The following SLC12A7 variants were observed in gnomAD, a reference collection of about 807,000 sequenced individuals.
SLC12A7 encodes K-Cl cotransporter 4.
In SLC12A7, 100 loss-of-function variants were observed where a neutral mutation model predicts 120.6. That is an observed-to-expected ratio of 0.83 (90% CI 0.71 to 0.98). The LOEUF (loss-of-function observed/expected upper bound fraction) is 0.98, where lower values mean the gene tolerates loss of function less well. Ranked by LOEUF, SLC12A7 falls within the 50% of genes least tolerant of loss-of-function variation. The pLI, the probability that SLC12A7 is intolerant of heterozygous loss-of-function variation, is 0.00. For missense variants in SLC12A7, 1,373 were observed against 1,548.1 expected (o/e 0.89, Z 1.90); for synonymous variants, 760 against 678.0 (o/e 1.12, Z -1.88).
intron 23 of SLC12A7, among the ~76,000 whole-genome samples, chr5:1,052,717 G>A (rs899937926): frequency 3.9e-5 from 6 of 152,178 alleles, no homozygotes; most frequent in African/African-American, 1.4e-4. Flanking sequence ...AGCCCACGGT[G>A]CTGACCCCAC....
intron 12 of SLC12A7, 144 bp from the exon 13 acceptor site, chr5:1,076,956 C>T (rs1271020828): frequency 2.0e-5 from 13 of 649,404 alleles, no homozygotes; most frequent in East Asian, 1.3e-4. Flanking sequence ...CGGGACATCA[C>T]GCGGCTGGCC....
At position 1,078,722 on chromosome 5, in the gene SLC12A7, T is replaced by TCAATGCAGGCCCCAAACAGCA; in HGVS notation, c.1412_1432dup (p.Val471_Ile477dup). On this transcript the variant is annotated inframe_insertion, in exon 11 of 24. Coordinates refer to ENST00000264930, the MANE Select transcript of SLC12A7 (RefSeq NM_006598.3). ...GTACTTATCTCGTAAGACCACGCCT[T>TCAATGCAGGCCCCAAACAGCA]CAATGCAGGCCCCAAACAGCACAAT... The TCAATGCAGGCCCCAAACAGCA allele has an allele frequency of 6.2e-7, 1 of 1,612,090 alleles. No individual in the cohort carries two copies. Among genetic ancestry groups the TCAATGCAGGCCCCAAACAGCA allele is most frequent in the South Asian group, 1.1e-5 (1 of 91,034 alleles).
chr5:1,095,244 T>C (rs1371665368), intron 1 of SLC12A7, among the ~76,000 whole-genome samples: 1 of 152,162 alleles, frequency 6.6e-6, no homozygotes, highest in Non-Finnish European at 1.5e-5. Flanking sequence ...TCAAGAACTC[T>C]GAGAAGTTTC....
chr5:1,094,181 AAAG>A lies in SLC12A7; in HGVS notation c.189_191del (p.Phe64del). 1 of 1,613,572 alleles carries A rather than the reference AAAG, an allele frequency of 6.2e-7. No individual in the cohort carries two copies. The highest frequency in any genetic ancestry group is 8.5e-7 in the Non-Finnish European group (1 of 1,179,788). On this transcript the variant is annotated inframe_deletion, in exon 2 of 24. Transcript: ENST00000264930. ...CGAAAAGTGCCATGTTCTTCCCTTC[AAAG>A]AAGCTCTCTTGTTCCACCTCGACAT...
At chr5:1,144,528 G>C in the SLC12A7 span, among the ~76,000 whole-genome samples, 1 of 152,230 alleles carries the variant, frequency 6.6e-6, no homozygotes, top group Non-Finnish European at 1.5e-5. Context: ...CCTCAGCTCC[G>C]GGTCACGCTG....
the SLC12A7 span, among the ~76,000 whole-genome samples, chr5:1,121,154 G>C: frequency 6.6e-6 from 1 of 152,238 alleles, no homozygotes; most frequent in Non-Finnish European, 1.5e-5. Context: ...GCAGGCAGTG[G>C]GACAGCTGGG....
At chr5:1,095,220 T>C (rs1217869747) in intron 1 of SLC12A7, among the ~76,000 whole-genome samples, 1 of 152,184 alleles carries the variant, frequency 6.6e-6, no homozygotes, top group Non-Finnish European at 1.5e-5. Context: ...GGCCTTGGTC[T>C]AAGACTTTCA....
At position 1,063,880 on chromosome 5, in the gene SLC12A7, G is replaced by C. The variant is rs752308479; in HGVS notation, c.2703C>G (p.His901Gln). The C allele has an allele frequency of 6.3e-7, 1 of 1,588,788 alleles. No homozygotes were observed. The highest frequency in any genetic ancestry group is 1.7e-5 in the Admixed American group (1 of 58,700). The change falls in exon 20 of 24, where the codon CAC (histidine) becomes CAG (glutamine). Residue 901 changes from histidine to glutamine, a missense_variant. Coordinates refer to ENST00000264930, the MANE Select transcript of SLC12A7 (RefSeq NM_006598.3). ...MKKDLQMFLY[H>Q]LRISAEVEVV... ...CCTCCACCTCGGCGCTGATGCGCAAGTGGTACAAGAACATCTGCAGGTCCT... is the reference window on the plus strand; with the variant it reads ...CCTCCACCTCGGCGCTGATGCGCAACTGGTACAAGAACATCTGCAGGTCCT...
intron 1 of SLC12A7, among the ~76,000 whole-genome samples, chr5:1,097,173 A>C (rs529824074): frequency 6.6e-6 from 1 of 152,322 alleles, no homozygotes; most frequent in African/African-American, 2.4e-5. Flanking sequence ...GCATGTAACT[A>C]TGTCTGCGTT....
At position 1,104,677 on chromosome 5, in the gene SLC12A7, GGGGTGCGTGT is replaced by G. The variant is rs530307823; in HGVS notation, c.124+7181_124+7190del. Among the ~76,000 whole-genome samples, 1,146 of 152,260 alleles carry G rather than the reference GGGGTGCGTGT, an allele frequency of 7.5e-3. 10 individuals are homozygous for G. The highest frequency in any genetic ancestry group is 0.024 in the Middle Eastern group (7 of 294). ...TCCCCACAGAGCCGAGGCCCACCGG[GGGGTGCGTGT>G]GGGGTGCGTGTGGGGTGCTGCCCAA... On this transcript the variant is annotated intron_variant, in intron 1 of 23. Transcript: ENST00000264930.
At chr5:1,104,797 CAA>C (rs1471501633) in intron 1 of SLC12A7, among the ~76,000 whole-genome samples, 1 of 152,226 alleles carries the variant, frequency 6.6e-6, no homozygotes, top group Non-Finnish European at 1.5e-5. Context: ...ACTGTTTCCT[CAA>C]AAAGACACCG....
the SLC12A7 span, among the ~76,000 whole-genome samples, chr5:1,127,316 T>G: frequency 6.6e-6 from 1 of 152,250 alleles, no homozygotes; most frequent in African/African-American, 2.4e-5. Flanking sequence ...CCTGGCCGAC[T>G]GATGTCCTTA....
upstream of SLC12A7, among the ~76,000 whole-genome samples, chr5:1,114,885 C>T (rs992609470): frequency 4.6e-5 from 7 of 152,186 alleles, no homozygotes; most frequent in Non-Finnish European, 7.3e-5. Flanking sequence ...GTGGTGGCTT[C>T]GTCATGAATT....
At chr5:1,116,280 C>G (rs541489543), upstream of SLC12A7, among the ~76,000 whole-genome samples, 1 of 152,190 alleles carries the variant, frequency 6.6e-6, no homozygotes, top group Non-Finnish European at 1.5e-5. Flanking sequence ...CCCCCCGCCC[C>G]GATCCCTGGC....
intron 8 of SLC12A7, among the ~76,000 whole-genome samples, chr5:1,082,159 C>G (rs1399280023): frequency 7.0e-6 from 1 of 143,168 alleles, no homozygotes; most frequent in Non-Finnish European, 1.5e-5. Context: ...TCCGGGCTTC[C>G]CGTCTCAGGT....
intron 20 of SLC12A7, among the ~76,000 whole-genome samples, chr5:1,061,475 G>A (rs1279024274): frequency 7.2e-4 from 65 of 89,824 alleles, no homozygotes; most frequent in African/African-American, 2.3e-3. Context: ...CTCACCCGCC[G>A]CACCCGCCGT....
chr5:1,106,887 G>A (rs1392891969), intron 1 of SLC12A7, among the ~76,000 whole-genome samples: 2 of 152,246 alleles, frequency 1.3e-5, no homozygotes, highest in Admixed American at 6.5e-5. Context: ...CACACTGACG[G>A]TGGAAATGAC....
upstream of SLC12A7, among the ~76,000 whole-genome samples, chr5:1,116,902 G>A (rs1195600265): frequency 6.6e-6 from 1 of 152,126 alleles, no homozygotes; most frequent in African/African-American, 2.4e-5. Context: ...GTCCAGATGG[G>A]CTCAAAACCT....
At chr5:1,077,701 G>A (rs1266448645) in intron 12 of SLC12A7, 132 bp downstream of exon 12, 26 of 951,620 alleles carry the variant, frequency 2.7e-5, no homozygotes, top group Non-Finnish European at 3.8e-5. Context: ...CAGTGGCCAG[G>A]GGCAGAATGA....
Sources: gnomAD v4.1 joint callset for allele counts (sites outside exome capture counted in the v4.1 genomes callset) on GRCh38, gnomAD v4.1.1 for gene constraint, MANE v1.5 for transcripts, NCBI Gene and HGNC (gene_info 2026-07-23, HGNC 2026-07-21) for gene names.